The following SESN1 variants were observed in gnomAD, a reference collection of about 807,000 sequenced individuals.
The protein encoded by SESN1 is sestrin 1, also known as sestrin-1.
SESN1 carries 30 observed loss-of-function variants against 59.3 expected under a neutral mutation model. The observed-to-expected ratio is 0.51, with a 90% CI of 0.38 to 0.69. The LOEUF (loss-of-function observed/expected upper bound fraction) is 0.69, where lower values mean the gene tolerates loss of function less well. Among genes scored for constraint, SESN1 ranks in the 30% least tolerant of loss-of-function variants. The probability of loss-of-function intolerance (pLI) is 0.00; values close to 1 mark genes in which losing one functional copy is unlikely to be tolerated. For synonymous variants in SESN1, 197 were observed against 219.9 expected, an observed-to-expected ratio of 0.90 and a Z score of 0.92; for missense variants, 566 against 673.0, an observed-to-expected ratio of 0.84 and a Z score of 1.76.
intron 7 of SESN1, 102 bp downstream of exon 7, chr6:108,992,685 C>CAA: frequency 2.7e-6 from 2 of 747,800 alleles, no homozygotes; most frequent in Non-Finnish European, 4.8e-6. Flanking sequence ...ATACTGCCTG[C>CAA]AAAGCACTTA....
In SESN1 at chr6:108,985,114, T is replaced by C. The variant is rs528638233; in HGVS notation, c.*2430A>G. Reference sequence around the variant, plus strand: ...AGTAACATTTCTGATTCATGTATGATATTCACATATATGAATATGCTAATA... The same window carrying C: ...AGTAACATTTCTGATTCATGTATGACATTCACATATATGAATATGCTAATA... On this transcript the variant is annotated 3_prime_UTR_variant, in exon 10 of 10. Transcript: ENST00000436639. Among the ~76,000 whole-genome samples the C allele has an allele frequency of 3.9e-5, 6 of 152,332 alleles. No homozygotes were observed. The South Asian group carries it at 1.0e-3, about 26-fold the overall frequency.
intron 1 of SESN1, among the ~76,000 whole-genome samples, chr6:109,035,028 G>C (rs896996117): frequency 1.3e-5 from 2 of 152,066 alleles, no homozygotes; most frequent in Non-Finnish European, 2.9e-5. Context: ...TTCTTAATAG[G>C]TTTTTTCCTC....
chr6:109,072,832 A>G (rs1780960713), intron 1 of SESN1, among the ~76,000 whole-genome samples: 1 of 152,218 alleles, frequency 6.6e-6, no homozygotes, highest in Non-Finnish European at 1.5e-5. Context: ...GTGACTTGAA[A>G]GAGAGCTAAG....
intron 4 of SESN1, chr6:108,999,037 T>C (rs1583263741): frequency 4.4e-6 from 1 of 229,520 alleles, no homozygotes; most frequent in South Asian, 7.7e-5. Context: ...GTGGCTGCTG[T>C]ATTTCAGATG....
In SESN1 at chr6:109,022,411, CTTTTTTTTTTTT is replaced by C. The variant is rs779366759; in HGVS notation, c.280-20080_280-20069del. On this transcript the variant is annotated intron_variant, in intron 1 of 9. Transcript: ENST00000436639. ...GTATGCATCAGGCATTGTTCTAAAGCTTTTTTTTTTTTTTTTTTTTTTTTTTTTTGAGATGGA... is the reference window on the plus strand; with the variant it reads ...GTATGCATCAGGCATTGTTCTAAAGCTTTTTTTTTTTTTTTTTGAGATGGA... Among the ~76,000 whole-genome samples, 17 of 65,878 alleles carry C rather than the reference CTTTTTTTTTTTT, an allele frequency of 2.6e-4. No individual in the cohort carries two copies. The South Asian group carries it at 4.2e-3, about 16-fold the overall frequency. The allele number at this position is 65,878 out of a possible 152,430, so 43.2% of individuals were successfully genotyped here.
rs752099850 is a variant in SESN1, at chr6:108,988,594, A to C, written c.1518T>G (p.Val506=). The change falls in exon 9 of 10, where the codon GTT becomes GTG. Residue 506 remains valine (V), a synonymous_variant. Transcript: ENST00000436639. ...AGAAGCTATCATACATTCTTTTGGT[A>C]ACCTTTTCAGGAGTGCAAACAACAG... is the stretch of plus-strand genomic sequence containing the variant. ...IKTVVCTPEK[V]TKRMYDSFWR... 4 of 1,613,418 alleles carry C rather than the reference A, an allele frequency of 2.5e-6. No homozygotes were observed.
chr6:109,019,338 C>T (rs1779973539), intron 1 of SESN1, among the ~76,000 whole-genome samples: 1 of 152,188 alleles, frequency 6.6e-6, no homozygotes, highest in African/African-American at 2.4e-5. Context: ...TCAGAGAATG[C>T]TCCAATAATT....
intron 3 of SESN1, among the ~76,000 whole-genome samples, chr6:109,000,919 T>C (rs1779607379): frequency 6.6e-6 from 1 of 152,188 alleles, no homozygotes; most frequent in Non-Finnish European, 1.5e-5. Context: ...TTTATCTATA[T>C]ACTTTCAGAA....
intron 1 of SESN1, among the ~76,000 whole-genome samples, chr6:109,016,038 A>G (rs1320396833): frequency 1.3e-5 from 2 of 152,194 alleles, no homozygotes; most frequent in Non-Finnish European, 2.9e-5. Context: ...ACCAAACCTA[A>G]TATCTTTAAC....
chr6:109,055,005 C>T (rs1459599778), intron 1 of SESN1, among the ~76,000 whole-genome samples: 1 of 152,158 alleles, frequency 6.6e-6, no homozygotes, highest in African/African-American at 2.4e-5. Context: ...AGAAGGTGAA[C>T]AGTTGTTCCA....
At chr6:109,038,826 T>A (rs575866795) in intron 1 of SESN1, among the ~76,000 whole-genome samples, 7 of 149,778 alleles carry the variant, frequency 4.7e-5, no homozygotes, top group Non-Finnish European at 7.4e-5. Context: ...CTGACGGCAA[T>A]TGGGGCAGAA....
chr6:109,068,503 G>A (rs181556528), intron 1 of SESN1, among the ~76,000 whole-genome samples: 1 of 151,954 alleles, frequency 6.6e-6, no homozygotes, highest in East Asian at 1.9e-4. Context: ...AAGATATAAA[G>A]TAAAAAGACA....
At chr6:108,988,992 G>A (rs1028053292) in intron 8 of SESN1, among the ~76,000 whole-genome samples, 1 of 152,054 alleles carries the variant, frequency 6.6e-6, no homozygotes, top group Non-Finnish European at 1.5e-5. Flanking sequence ...TCATGAACAC[G>A]TAGCCACACT....
At position 108,986,072 on chromosome 6, in the gene SESN1, CAG is replaced by C. The variant is rs1779177871; in HGVS notation, c.*1470_*1471del. ...AATAAATGTTTTGAGGAGTAACTAA[CAG>C]AGTTATCATCACAACAGCTTCAGTT... On this transcript the variant is annotated 3_prime_UTR_variant, in exon 10 of 10. Coordinates refer to ENST00000436639, the MANE Select transcript of SESN1 (RefSeq NM_014454.3). Among the ~76,000 whole-genome samples the C allele has an allele frequency of 6.7e-6, 1 of 149,884 alleles. No individual in the cohort carries two copies. Among genetic ancestry groups the C allele is most frequent in the African/African-American group, 2.4e-5 (1 of 41,158 alleles).
chr6:109,044,123 G>A (rs767206159), intron 1 of SESN1, among the ~76,000 whole-genome samples: 4 of 151,340 alleles, frequency 2.6e-5, no homozygotes, highest in African/African-American at 4.9e-5. Flanking sequence ...AAGACCAGCC[G>A]AAGCAACACA....
chr6:109,011,712 T>C (rs1485132464), intron 1 of SESN1, among the ~76,000 whole-genome samples: 1 of 151,724 alleles, frequency 6.6e-6, no homozygotes, highest in Non-Finnish European at 1.5e-5. Context: ...CACTGCAGCC[T>C]TGACCTCCAG....
chr6:109,065,137 C>A (rs575162728), intron 1 of SESN1, among the ~76,000 whole-genome samples: 3 of 152,066 alleles, frequency 2.0e-5, no homozygotes, highest in Non-Finnish European at 4.4e-5. Flanking sequence ...CTTTTCAGTT[C>A]TCTATTCCTA....
At chr6:108,990,611 A>G (rs1413039648) in intron 8 of SESN1, 34 bp downstream of exon 8, 1 of 1,604,860 alleles carries the variant, frequency 6.2e-7, no homozygotes, top group Admixed American at 1.7e-5. Context: ...CCCAGAGGAA[A>G]ACATCTCTTT....
chr6:109,002,484 C>G, intron 1 of SESN1, 141 bp from the exon 2 acceptor site: 1 of 626,474 alleles, frequency 1.6e-6, no homozygotes, highest in Non-Finnish European at 2.9e-6. Context: ...TATATACATA[C>G]CAACTCTTCT....
Sources: gnomAD v4.1 joint callset for allele counts (sites outside exome capture counted in the v4.1 genomes callset) on GRCh38, gnomAD v4.1.1 for gene constraint, MANE v1.5 for transcripts, NCBI Gene and HGNC (gene_info 2026-07-23, HGNC 2026-07-21) for gene names.